The following ROBO2 variants were observed in gnomAD, a reference collection of about 807,000 sequenced individuals.
ROBO2 encodes roundabout guidance receptor 2.
A neutral mutation model predicts 160.8 loss-of-function variants in ROBO2; 53 were observed. That is an observed-to-expected ratio of 0.33 (90% CI 0.26 to 0.41). ROBO2 has a LOEUF of 0.41. Ranked by LOEUF, ROBO2 falls within the 10% of genes least tolerant of loss-of-function variation. The pLI is 1.00. For synonymous variants in ROBO2, 664 were observed against 611.7 expected, an observed-to-expected ratio of 1.09 and a Z score of -1.26; for missense variants, 1,577 against 1,722.4, an observed-to-expected ratio of 0.92 and a Z score of 1.49.
At chr3:76,138,674 A>G (rs1022194495) in intron 2 of ROBO2, among the ~76,000 whole-genome samples, 1 of 152,108 alleles carries the variant, frequency 6.6e-6, no homozygotes, top group Non-Finnish European at 1.5e-5. Flanking sequence ...GGTATGCTAT[A>G]TAGTATCTAC....
chr3:76,940,664 C>T (rs964380984), intron 2 of ROBO2, among the ~76,000 whole-genome samples: 2 of 152,192 alleles, frequency 1.3e-5, no homozygotes, highest in Non-Finnish European at 2.9e-5. Flanking sequence ...CAGTAACATT[C>T]CTGCAAAATA....
intron 2 of ROBO2, among the ~76,000 whole-genome samples, chr3:76,246,192 T>C (rs1037105419): frequency 6.6e-6 from 1 of 152,120 alleles, no homozygotes; most frequent in Non-Finnish European, 1.5e-5. Flanking sequence ...TCCTATTTCC[T>C]GCATATCATC....
chr3:77,183,033 A>G (rs1164432146), intron 2 of ROBO2, among the ~76,000 whole-genome samples: 1 of 152,064 alleles, frequency 6.6e-6, no homozygotes, highest in Non-Finnish European at 1.5e-5. Context: ...TCAGGTCATT[A>G]TAATCTACCC....
At chr3:75,914,306 G>C (rs939166849) in intron 1 of ROBO2, among the ~76,000 whole-genome samples, 1 of 152,090 alleles carries the variant, frequency 6.6e-6, no homozygotes, top group African/African-American at 2.4e-5. Context: ...GCAAATTGCT[G>C]AACAGTGTTT....
At chr3:76,246,302 C>T (rs142161231) in intron 2 of ROBO2, among the ~76,000 whole-genome samples, 1 of 152,104 alleles carries the variant, frequency 6.6e-6, no homozygotes, top group African/African-American at 2.4e-5. Flanking sequence ...TTTTCAAGTG[C>T]TAGGCAAGGC....
chr3:76,827,505 T>C (rs190873458), intron 2 of ROBO2, among the ~76,000 whole-genome samples: 47 of 152,302 alleles, frequency 3.1e-4, no homozygotes, highest in African/African-American at 1.1e-3. Flanking sequence ...ACTCTAAAGA[T>C]GGTCTAACAA....
chr3:76,881,413 G>A (rs1400580551), intron 2 of ROBO2, among the ~76,000 whole-genome samples: 5 of 152,192 alleles, frequency 3.3e-5, no homozygotes, highest in East Asian at 1.9e-4. Context: ...TATTTCTTGC[G>A]TTTTAAACTT....
intron 2 of ROBO2, among the ~76,000 whole-genome samples, chr3:77,342,977 G>C (rs2067226064): frequency 6.6e-6 from 1 of 151,998 alleles, no homozygotes; most frequent in Non-Finnish European, 1.5e-5. Context: ...GCACGGTCAG[G>C]TTCTGGTAGG....
At chr3:76,167,843 T>A (rs536918733) in intron 2 of ROBO2, among the ~76,000 whole-genome samples, 1 of 152,324 alleles carries the variant, frequency 6.6e-6, no homozygotes, top group African/African-American at 2.4e-5. Context: ...CATAATTTGT[T>A]AGGATTTCTG....
rs544827590 is a variant in ROBO2, at chr3:76,804,825, C to T, written c.110-293189C>T. Among the ~76,000 whole-genome samples, 23 of 152,062 alleles carry T rather than the reference C, an allele frequency of 1.5e-4. 1 individual carries two copies. The highest frequency in any genetic ancestry group is 2.9e-4 in the Non-Finnish European group (20 of 67,994). On this transcript the variant is annotated intron_variant, in intron 2 of 26. Transcript: ENST00000487694. Reference sequence around the variant, plus strand: ...ACTTAACCCCGCCAGATTAGTAAAGCTCATTAGGCCAGGGTCAGAGCTTAT... The same window carrying T: ...ACTTAACCCCGCCAGATTAGTAAAGTTCATTAGGCCAGGGTCAGAGCTTAT...
intron 1 of ROBO2, among the ~76,000 whole-genome samples, chr3:77,054,929 T>C (rs901471776): frequency 2.6e-4 from 1 of 3,888 alleles, no homozygotes; most frequent in African/African-American, 3.3e-4. Context: ...CTCGCGTGTA[T>C]GTGTGTGTGT....
chr3:76,546,965 A>G (rs939680806), intron 2 of ROBO2, among the ~76,000 whole-genome samples: 2 of 151,966 alleles, frequency 1.3e-5, no homozygotes, highest in Admixed American at 6.6e-5. Flanking sequence ...TTTGAAAATT[A>G]GCTACCCCAT....
intron 2 of ROBO2, among the ~76,000 whole-genome samples, chr3:76,545,290 T>C (rs1382077235): frequency 6.6e-6 from 1 of 151,992 alleles, no homozygotes; most frequent in East Asian, 1.9e-4. Flanking sequence ...GGTCTATTTT[T>C]ATCTATGTCG....
intron 2 of ROBO2, among the ~76,000 whole-genome samples, chr3:76,069,892 C>T (rs1038044568): frequency 6.6e-6 from 1 of 152,166 alleles, no homozygotes; most frequent in African/African-American, 2.4e-5. Flanking sequence ...CAAATTAATA[C>T]TTTTGTAATT....
At chr3:76,303,508 G>T (rs2107747984) in intron 2 of ROBO2, among the ~76,000 whole-genome samples, 1 of 152,024 alleles carries the variant, frequency 6.6e-6, no homozygotes, top group African/African-American at 2.4e-5. Flanking sequence ...CACGCACCCA[G>T]GTCCTACACA....
At chr3:76,553,909 C>A (rs1489544376) in intron 2 of ROBO2, among the ~76,000 whole-genome samples, 1 of 152,110 alleles carries the variant, frequency 6.6e-6, no homozygotes, top group Non-Finnish European at 1.5e-5. Context: ...GGAAAACAGG[C>A]AGTGGAGTAG....
At chr3:77,164,953 CA>C (rs1331824522) in intron 2 of ROBO2, among the ~76,000 whole-genome samples, 7 of 142,574 alleles carry the variant, frequency 4.9e-5, no homozygotes, top group African/African-American at 1.3e-4. Context: ...GTCAGCCCCC[CA>C]ACCCGGCCAG....
At chr3:76,026,246 C>T (rs1476493248) in intron 2 of ROBO2, among the ~76,000 whole-genome samples, 3 of 151,876 alleles carry the variant, frequency 2.0e-5, no homozygotes, top group Non-Finnish European at 4.4e-5. Context: ...TACAATATTA[C>T]TTTCCTACTG....
At position 77,401,539 on chromosome 3, in the gene ROBO2, T is replaced by C. The variant is rs567046991; in HGVS notation, c.389-75875T>C. On this transcript the variant is annotated intron_variant, in intron 2 of 25. Coordinates refer to ENST00000461745, the Ensembl canonical transcript of ROBO2. ...ACAGGGAGATACAGAAGTAAACCTA[T>C]TGGGCTGGTAAAAAGGGTATGCACT... is the stretch of plus-strand genomic sequence containing the variant. Among the ~76,000 whole-genome samples the C allele has an allele frequency of 9.2e-5, 14 of 152,254 alleles. No homozygotes were observed. The South Asian group carries it at 1.4e-3, about 16-fold the overall frequency.
Sources: gnomAD v4.1 joint callset for allele counts (sites outside exome capture counted in the v4.1 genomes callset) on GRCh38, gnomAD v4.1.1 for gene constraint, MANE v1.5 for transcripts, NCBI Gene and HGNC (gene_info 2026-07-23, HGNC 2026-07-21) for gene names.